Variants in ADCY9 observed in about 807,000 individuals in gnomAD.
ADCY9 encodes adenylate cyclase type 9.
A neutral mutation model predicts 101.5 loss-of-function variants in ADCY9; 50 were observed. That is an observed-to-expected ratio of 0.49 (90% CI 0.39 to 0.62). The LOEUF is 0.62. Ranked by LOEUF, ADCY9 falls within the 20% of genes least tolerant of loss-of-function variation. The pLI, the probability that ADCY9 is intolerant of heterozygous loss-of-function variation, is 0.00. For missense variants in ADCY9, 1,662 were observed against 1,800.4 expected (o/e 0.92, Z 1.39); for synonymous variants, 905 against 769.3 (o/e 1.18, Z -2.92).
At chr16:4,069,887 G>A (rs933271926) in intron 2 of ADCY9, among the ~76,000 whole-genome samples, 1 of 152,160 alleles carries the variant, frequency 6.6e-6, no homozygotes, top group Non-Finnish European at 1.5e-5. Context: ...CTTGAGGGCA[G>A]GAGTTTGAGA....
At position 4,045,005 on chromosome 16, in the gene ADCY9, A is replaced by G. The variant is rs554563690; in HGVS notation, c.1694-37447T>C. On this transcript the variant is annotated intron_variant, in intron 2 of 10. Coordinates refer to ENST00000294016, the MANE Select transcript of ADCY9 (RefSeq NM_001116.4). ...GGTTGATAAGACAAGCATGCAAGAA[A>G]TATTTATTAATGCAAACTCGTATAA... 1.9e-3 allele frequency among the ~76,000 whole-genome samples: 282 copies of G among 152,326 alleles called. 1 individual carries two copies. The highest frequency in any genetic ancestry group is 6.4e-3 in the African/African-American group (268 of 41,574).
chr16:4,051,058 C>T (rs1177478908), intron 2 of ADCY9, among the ~76,000 whole-genome samples: 2 of 151,256 alleles, frequency 1.3e-5, no homozygotes, highest in African/African-American at 4.9e-5. Context: ...ACTAAATATA[C>T]AAAAATTAGC....
intron 2 of ADCY9, among the ~76,000 whole-genome samples, chr16:4,076,096 A>G (rs1197412567): frequency 2.0e-5 from 3 of 152,188 alleles, no homozygotes; most frequent in African/African-American, 7.2e-5. Flanking sequence ...TGGGAGGCTG[A>G]GGTGGGAGGA....
intron 2 of ADCY9, among the ~76,000 whole-genome samples, chr16:4,058,391 G>A (rs569996734): frequency 6.6e-6 from 1 of 151,662 alleles, no homozygotes; most frequent in East Asian, 1.9e-4. Flanking sequence ...CTTGAACCTG[G>A]GAGGCAGAGG....
chr16:4,115,503 A>G lies in ADCY9; in HGVS notation c.-43-18T>C. ...ACCAGTACCTGCCAGCAAAACGGGG[A>G]GAGTTAGCGGCGCTCCCACCTAGGC... On this transcript the variant is annotated intron_variant, in intron 1 of 10. Coordinates refer to ENST00000294016, the MANE Select transcript of ADCY9 (RefSeq NM_001116.4). The surrounding 1 kb of genome is among the most constrained non-coding windows in gnomAD (Gnocchi z 6.2). 1.4e-6 allele frequency: 2 copies of G among 1,466,860 alleles called. No individual in the cohort carries two copies. Among genetic ancestry groups the G allele is most frequent in the South Asian group, 1.4e-5 (1 of 73,298 alleles). 90.9% of individuals were successfully genotyped at this position (1,466,860 alleles called of 1,614,324 possible).
intron 2 of ADCY9, among the ~76,000 whole-genome samples, chr16:4,086,435 C>T (rs747067208): frequency 7.9e-5 from 12 of 151,994 alleles, no homozygotes; most frequent in Non-Finnish European, 1.5e-4. Flanking sequence ...GACAAGCGCA[C>T]GCTCCGCTCT....
intron 2 of ADCY9, among the ~76,000 whole-genome samples, chr16:4,099,794 G>C (rs1312236131): frequency 1.3e-5 from 2 of 152,254 alleles, no homozygotes; most frequent in Admixed American, 1.3e-4. Context: ...GCTCACGCCT[G>C]TAATCCCAAC....
At chr16:3,970,711 G>T (rs1278572964) in intron 10 of ADCY9, among the ~76,000 whole-genome samples, 1 of 152,236 alleles carries the variant, frequency 6.6e-6, no homozygotes, top group African/African-American at 2.4e-5. Flanking sequence ...CTTGACCTGT[G>T]TGGCCATCAC....
At position 3,963,349 on chromosome 16, in the gene ADCY9, G is replaced by T. The variant is rs1597128886; in HGVS notation, c.*2426C>A. 32 of 398,810 alleles carry T rather than the reference G, an allele frequency of 8.0e-5. No individual in the cohort carries two copies. In the East Asian group the frequency reaches 1.1e-3, roughly 14 times the overall value. The allele number at this position is 398,810 out of a possible 1,614,324, so 24.7% of individuals were successfully genotyped here. A position where few individuals can be genotyped will look rare whatever the true frequency, so the allele number is the denominator to read the frequency against. On this transcript the variant is annotated 3_prime_UTR_variant, in exon 11 of 11. Transcript: ENST00000294016. ...GTGTCTCCAGCACGATGTGCTCGCT[G>T]CCAACAGACAAGAGATGCACGGCGT...
chr16:3,969,234 AT>A (rs1347297730), intron 10 of ADCY9, among the ~76,000 whole-genome samples: 1 of 151,708 alleles, frequency 6.6e-6, no homozygotes, highest in Non-Finnish European at 1.5e-5. Context: ...GAGTAGCACA[AT>A]TTCTTTTTTT....
intron 3 of ADCY9, among the ~76,000 whole-genome samples, chr16:4,001,008 C>CACACAT (rs3222326): frequency 0.02 from 2,650 of 135,502 alleles, 52 homozygotes; most frequent in Non-Finnish European, 0.034. Flanking sequence ...CACACACACA[C>CACACAT]ATATATAATT....
At chr16:4,007,722 A>T (rs1025622542) in intron 2 of ADCY9, among the ~76,000 whole-genome samples, 164 bp from the exon 3 acceptor site, 1 of 152,130 alleles carries the variant, frequency 6.6e-6, no homozygotes, top group Admixed American at 6.5e-5. Flanking sequence ...CTCTCCAGAG[A>T]GATGCGGCCT....
chr16:4,010,529 T>A (rs2056396935), intron 2 of ADCY9, among the ~76,000 whole-genome samples: 1 of 152,252 alleles, frequency 6.6e-6, no homozygotes, highest in African/African-American at 2.4e-5. Flanking sequence ...AAACATTTAT[T>A]AAGCACTTCC....
In ADCY9 at chr16:3,966,266, CGGTGTCTCCCCA is replaced by C; in HGVS notation, c.3559_3570del (p.Trp1187_Thr1190del). 1 of 1,614,206 alleles carries C rather than the reference CGGTGTCTCCCCA, an allele frequency of 6.2e-7. No individual in the cohort carries two copies. The highest frequency in any genetic ancestry group is 8.5e-7 in the Non-Finnish European group (1 of 1,180,052). Reference sequence around the variant, plus strand: ...GTGTCCATCCTGCTGGCGATGTTGACGGTGTCTCCCCAGATGTCGTACAGCAGCTTGGTGGTG... The same window carrying C: ...GTGTCCATCCTGCTGGCGATGTTGACGATGTCGTACAGCAGCTTGGTGGTG... On this transcript the variant is annotated inframe_deletion, in exon 11 of 11. Transcript: ENST00000294016.
intron 2 of ADCY9, among the ~76,000 whole-genome samples, chr16:4,097,553 ATTT>A (rs35732229): frequency 1.1e-4 from 6 of 53,400 alleles, no homozygotes; most frequent in South Asian, 9.5e-4. Flanking sequence ...ATATATATAT[ATTT>A]TTTTTTTTTT....
intron 2 of ADCY9, among the ~76,000 whole-genome samples, chr16:4,104,379 A>G (rs763547085): frequency 4.6e-5 from 7 of 152,234 alleles, no homozygotes; most frequent in Non-Finnish European, 8.8e-5. Context: ...AGCATTTAAT[A>G]TAATAGTGTA....
intron 2 of ADCY9, among the ~76,000 whole-genome samples, chr16:4,088,019 C>T (rs1346649560): frequency 4.0e-5 from 6 of 151,176 alleles, no homozygotes; most frequent in Admixed American, 6.6e-5. Flanking sequence ...AATGCTCCTG[C>T]CTCAACCTCC....
At chr16:4,112,198 A>G (rs899124644) in intron 2 of ADCY9, among the ~76,000 whole-genome samples, 4 of 152,258 alleles carry the variant, frequency 2.6e-5, no homozygotes, top group African/African-American at 7.2e-5. Context: ...TTCAGACTCA[A>G]GAGCGAGTGC....
chr16:4,052,292 C>G (rs902083189), intron 2 of ADCY9, among the ~76,000 whole-genome samples: 2 of 152,166 alleles, frequency 1.3e-5, no homozygotes, highest in Non-Finnish European at 2.9e-5. Flanking sequence ...GGGCGGGCTC[C>G]GGGGCCTCTG....
Sources: gnomAD v4.1 joint callset for allele counts (sites outside exome capture counted in the v4.1 genomes callset) on GRCh38, gnomAD v4.1.1 for gene constraint, Gnocchi (gnomAD v3.1) non-coding constraint, MANE v1.5 for transcripts, NCBI Gene and HGNC (gene_info 2026-07-23, HGNC 2026-07-21) for gene names.